Variants in CYTH4 observed in about 807,000 individuals in gnomAD.
CYTH4 encodes cytohesin 4.
In CYTH4, 22 loss-of-function variants were observed where a neutral mutation model predicts 57.5. That is an observed-to-expected ratio of 0.38 (90% CI 0.27 to 0.55). The LOEUF is 0.55. CYTH4 is among the 20% of genes least tolerant of loss of function. The pLI is 0.74. For synonymous variants in CYTH4, 186 were observed against 206.5 expected (o/e 0.90, Z 0.85); for missense variants, 420 against 535.6 (o/e 0.78, Z 2.13).
chr22:37,308,629 T>TATGTGTGAGTATG (rs1491240041), intron 8 of CYTH4, among the ~76,000 whole-genome samples: 2 of 149,552 alleles, frequency 1.3e-5, no homozygotes, highest in African/African-American at 2.5e-5. Context: ...AGCATGCATG[T>TATGTGTGAGTATG]CTGTGTGAGT....
intron 2 of CYTH4, among the ~76,000 whole-genome samples, chr22:37,294,178 T>C (rs898968055): frequency 2.2e-5 from 2 of 90,976 alleles, no homozygotes; most frequent in African/African-American, 4.3e-5. Context: ...AGGGTGGAGG[T>C]GGGCTGGGGG....
At position 37,313,443 on chromosome 22, in the gene CYTH4, A is replaced by G. The variant is rs749945953; in HGVS notation, c.1117A>G (p.Ser373Gly). ...CTCTCCTCCCACTCATTCTAGAGCC[A>G]GCATCACCCGTGTCCCCTTCTACGA... is the stretch of plus-strand genomic sequence containing the variant. ...RDQWIESIRA[S>G]ITRVPFYDLV... Residue 373 changes from serine to glycine, a missense_variant, in exon 13 of 13, where the codon AGC becomes GGC. Transcript: ENST00000248901. 2.5e-6 allele frequency: 4 copies of G among 1,614,118 alleles called. No homozygotes were observed. Among genetic ancestry groups the G allele is most frequent in the Non-Finnish European group, 3.4e-6 (4 of 1,179,976 alleles).
intron 8 of CYTH4, among the ~76,000 whole-genome samples, chr22:37,308,428 G>T (rs916263068): frequency 6.6e-6 from 1 of 152,004 alleles, no homozygotes; most frequent in Non-Finnish European, 1.5e-5. Flanking sequence ...GTATATGCAC[G>T]CAAGCGTGCA....
rs770524744 is a variant in CYTH4, at chr22:37,303,341, G to A, written c.635G>A (p.Arg212His). Residue 212 changes from arginine to histidine, a missense_variant, in exon 8 of 13, where the codon CGC (arginine) becomes CAC (histidine). Arg to His is a conservative substitution (Grantham distance 29). Coordinates refer to ENST00000248901, the MANE Select transcript of CYTH4 (RefSeq NM_013385.5). Reference protein sequence around the residue: ...PNVRDRPPFERFVSMNRGINN... With the variant: ...PNVRDRPPFEHFVSMNRGINN... ...GTCCGGGACAGGCCGCCTTTTGAGC[G>A]CTTTGTGTCCATGAACCGCGGCATC... 2.5e-5 allele frequency: 40 copies of A among 1,614,024 alleles called. No individual in the cohort carries two copies. The highest frequency in any genetic ancestry group is 5.3e-5 in the African/African-American group (4 of 74,930).
chr22:37,289,816 A>G (rs1265346336), intron 1 of CYTH4, among the ~76,000 whole-genome samples: 1 of 152,272 alleles, frequency 6.6e-6, no homozygotes, highest in African/African-American at 2.4e-5. Context: ...TGTTTTCTGC[A>G]TAGTATATAA....
At chr22:37,284,971 C>T (rs935189767) in intron 1 of CYTH4, among the ~76,000 whole-genome samples, 21 of 152,194 alleles carry the variant, frequency 1.4e-4, no homozygotes, top group East Asian at 9.7e-4. Context: ...GGGAGGAAGC[C>T]GCACTCCGCA....
chr22:37,290,049 T>C (rs1928695731), intron 1 of CYTH4, among the ~76,000 whole-genome samples: 1 of 152,140 alleles, frequency 6.6e-6, no homozygotes, highest in Non-Finnish European at 1.5e-5. Context: ...ACTACAATGA[T>C]CCTGACCCCA....
At chr22:37,289,389 T>G (rs1928667403) in intron 1 of CYTH4, among the ~76,000 whole-genome samples, 1 of 152,246 alleles carries the variant, frequency 6.6e-6, no homozygotes, top group Non-Finnish European at 1.5e-5. Context: ...GGACTTGCCC[T>G]CATCACTGTC....
intron 4 of CYTH4, chr22:37,296,399 T>G: frequency 3.3e-6 from 1 of 301,090 alleles, no homozygotes; most frequent in Non-Finnish European, 6.3e-6. Flanking sequence ...ATCTGGGGCT[T>G]AGGCTCCAGA....
At chr22:37,291,370 G>A (rs1256388883) in intron 1 of CYTH4, among the ~76,000 whole-genome samples, 2 of 152,198 alleles carry the variant, frequency 1.3e-5, no homozygotes, top group African/African-American at 4.8e-5. Flanking sequence ...AGGAGAAGTA[G>A]GGAAAGGGAG....
intron 4 of CYTH4, 55 bp from the exon 5 acceptor site, chr22:37,297,509 T>C: frequency 6.6e-7 from 1 of 1,519,566 alleles, no homozygotes; most frequent in Non-Finnish European, 9.1e-7. Flanking sequence ...CCCTTCCCCC[T>C]CCCAGGCCTG....
rs1929157246 is a variant in CYTH4 at position 37,300,966 on chromosome 22, A to G, written c.494A>G (p.Glu165Gly). The G allele has an allele frequency of 1.9e-6, 3 of 1,614,192 alleles. No homozygotes were observed. The highest frequency in any genetic ancestry group is 2.5e-6 in the Non-Finnish European group (3 of 1,180,034). ...GCCCAGAAGATAGACCGGATGATGGAGGCCTTTGCCACTCGATACTGCCTC... is the reference window on the plus strand; with the variant it reads ...GCCCAGAAGATAGACCGGATGATGGGGGCCTTTGCCACTCGATACTGCCTC... Reference protein sequence around the residue: ...GEAQKIDRMMEAFATRYCLCN... With the variant: ...GEAQKIDRMMGAFATRYCLCN... The change falls in exon 7 of 13, where the codon GAG becomes GGG. Residue 165 changes from glutamate to glycine, a missense_variant. Glu to Gly is a moderately conservative substitution (Grantham distance 98). Coordinates refer to ENST00000248901, the MANE Select transcript of CYTH4 (RefSeq NM_013385.5).
At chr22:37,301,122 G>A in intron 7 of CYTH4, 103 bp downstream of exon 7, 1 of 957,466 alleles carries the variant, frequency 1.0e-6, no homozygotes. Flanking sequence ...CCCAGACCCT[G>A]GCAGCCCAGA....
chr22:37,285,158 A>G (rs956564345), intron 1 of CYTH4, among the ~76,000 whole-genome samples: 16 of 152,218 alleles, frequency 1.1e-4, no homozygotes, highest in African/African-American at 3.6e-4. Flanking sequence ...CAGGGCTGCA[A>G]GCTCAAAGAT....
At chr22:37,306,595 C>T (rs1929406524) in intron 8 of CYTH4, among the ~76,000 whole-genome samples, 1 of 152,246 alleles carries the variant, frequency 6.6e-6, no homozygotes, top group African/African-American at 2.4e-5. Context: ...CTACCAGTTA[C>T]TTCCTAGCTA....
chr22:37,297,909 C>T (rs1293087819), intron 5 of CYTH4: 1 of 420,606 alleles, frequency 2.4e-6, no homozygotes, highest in African/African-American at 2.0e-5. Flanking sequence ...TACTGTGTTC[C>T]AGGCACCATC....
chr22:37,289,470 GC>G (rs1928670188), intron 1 of CYTH4, among the ~76,000 whole-genome samples: 1 of 152,210 alleles, frequency 6.6e-6, no homozygotes, highest in Non-Finnish European at 1.5e-5. Context: ...CAAACTCTGA[GC>G]CAACTCATTC....
intron 1 of CYTH4, among the ~76,000 whole-genome samples, chr22:37,282,934 C>CTTGGGG (rs1928417287): frequency 6.6e-6 from 1 of 152,150 alleles, no homozygotes; most frequent in African/African-American, 2.4e-5. Flanking sequence ...GAAAAGGCCC[C>CTTGGGG]AAGAGGAGAT....
At chr22:37,309,163 A>G in intron 8 of CYTH4, 49 bp from the exon 9 acceptor site, 1 of 1,573,158 alleles carries the variant, frequency 6.4e-7, no homozygotes, top group Non-Finnish European at 8.7e-7. Flanking sequence ...TAGGCCTTGG[A>G]CTCGGGTGGA....
Sources: allele counts gnomAD v4.1 joint callset (sites outside exome capture counted in the v4.1 genomes callset), GRCh38; gene constraint gnomAD v4.1.1; transcripts MANE v1.5; gene names NCBI Gene and HGNC (gene_info 2026-07-23, HGNC 2026-07-21).